MYH10: variants seen among roughly 807,000 people sequenced by gnomAD.
The protein encoded by MYH10 is myosin-10.
Under a neutral mutation model 257.8 loss-of-function variants are expected in MYH10, and 55 were observed. The ratio of observed to expected loss-of-function variants is 0.21; its 90% CI spans 0.17 to 0.27. The LOEUF (loss-of-function observed/expected upper bound fraction) is 0.27. Among genes scored for constraint, MYH10 ranks in the 10% least tolerant of loss-of-function variants. The probability of loss-of-function intolerance (pLI) is 1.00; values close to 1 mark genes in which losing one functional copy is unlikely to be tolerated. For missense variants in MYH10, 1,631 were observed against 2,500.6 expected (o/e 0.65, Z 7.42); for synonymous variants, 854 against 921.7 (o/e 0.93, Z 1.33).
Position 8,504,065 on chromosome 17 carries a change from G to A in MYH10, c.3599+629C>T, listed in dbSNP as rs1597670362. On this transcript the variant is annotated intron_variant, in intron 28 of 42. Transcript: ENST00000360416. This position sits in a 1 kb window ranked among gnomAD's most constrained non-coding sequence, Gnocchi z 5.6. Reference sequence around the variant, plus strand: ...CGGCTCACTGCTAAGGCTCTCCTGCGACTCGTGGGCTGCCACACTGCAGCT... The same window carrying A: ...CGGCTCACTGCTAAGGCTCTCCTGCAACTCGTGGGCTGCCACACTGCAGCT... 6.6e-6 allele frequency among the ~76,000 whole-genome samples: 1 copy of A among 152,172 alleles called. No homozygotes were observed. The highest frequency in any genetic ancestry group is 2.4e-5 in the African/African-American group (1 of 41,436).
At chr17:8,488,608 C>G (rs758567601) in intron 35 of MYH10, among the ~76,000 whole-genome samples, 1 of 152,238 alleles carries the variant, frequency 6.6e-6, no homozygotes, top group African/African-American at 2.4e-5. Flanking sequence ...CTTCCGCTTC[C>G]TGCAAAGAGG....
chr17:8,487,425 G>A lies in MYH10; in HGVS notation c.5046+8C>T. On this transcript the variant is annotated splice_region_variant and intron_variant, in intron 36 of 42. Coordinates refer to ENST00000360416, the MANE Select transcript of MYH10 (RefSeq NM_001256012.3). ...CCATCCAGAGACTCCATGGGTGAAGGCACATACCTGGAGCTTGCGGAGCTG... is the reference window on the plus strand; with the variant it reads ...CCATCCAGAGACTCCATGGGTGAAGACACATACCTGGAGCTTGCGGAGCTG... The A allele has an allele frequency of 6.2e-7, 1 of 1,613,954 alleles. No individual in the cohort carries two copies. The highest frequency in any genetic ancestry group is 8.5e-7 in the Non-Finnish European group (1 of 1,180,018).
At chr17:8,485,722 T>C (rs1337425105) in intron 36 of MYH10, among the ~76,000 whole-genome samples, 1 of 152,328 alleles carries the variant, frequency 6.6e-6, no homozygotes, top group Non-Finnish European at 1.5e-5. Context: ...CCCTCATACA[T>C]AGCTGGTAGG....
chr17:8,585,865 C>T (rs1486332806), intron 4 of MYH10, among the ~76,000 whole-genome samples: 3 of 152,138 alleles, frequency 2.0e-5, no homozygotes, highest in African/African-American at 7.2e-5. Context: ...TACTGGGCTT[C>T]AGTTAACACT....
chr17:8,628,669 A>G (rs747934325), intron 1 of MYH10, among the ~76,000 whole-genome samples: 5 of 152,214 alleles, frequency 3.3e-5, no homozygotes, highest in Non-Finnish European at 5.9e-5. Context: ...AAAGGCCACT[A>G]TTGCTACTTA....
At chr17:8,609,047 G>C (rs1422328387) in intron 2 of MYH10, among the ~76,000 whole-genome samples, 4 of 152,126 alleles carry the variant, frequency 2.6e-5, no homozygotes, top group Non-Finnish European at 5.9e-5. Flanking sequence ...CCCTGACCTC[G>C]TGATCTGCCC....
intron 2 of MYH10, among the ~76,000 whole-genome samples, chr17:8,613,829 A>G (rs1264515659): frequency 6.6e-6 from 1 of 152,222 alleles, no homozygotes; most frequent in Non-Finnish European, 1.5e-5. Flanking sequence ...GACATATTTT[A>G]AAGGCACAGG....
chr17:8,548,293 GTCAGTATTCA>G lies in MYH10; in HGVS notation c.1159+10_1159+19del. 6.4e-7 allele frequency: 1 copy of G among 1,560,742 alleles called. No homozygotes were observed. Among genetic ancestry groups the G allele is most frequent in the Non-Finnish European group, 8.8e-7 (1 of 1,136,462 alleles). On this transcript the variant is annotated intron_variant, in intron 11 of 42. Transcript: ENST00000360416. ...AACAAGCCATCGAAACAGAAATAAA[GTCAGTATTCA>G]TCAGTTTACCTGTATTTTCTGGCAT...
At chr17:8,496,753 C>T (rs1481547604) in intron 30 of MYH10, among the ~76,000 whole-genome samples, 3 of 152,354 alleles carry the variant, frequency 2.0e-5, no homozygotes, top group African/African-American at 4.8e-5. Context: ...TTCGAAAGGC[C>T]TGCTTGCGAT....
intron 7 of MYH10, among the ~76,000 whole-genome samples, chr17:8,565,904 TA>T (rs1476293460): frequency 1.3e-5 from 2 of 152,260 alleles, no homozygotes; most frequent in Non-Finnish European, 2.9e-5. Context: ...ACTCATGTAT[TA>T]CTTTGCAAAT....
chr17:8,552,074 C>T lies in MYH10; in HGVS notation c.891G>A (p.Leu297=). ...DERTFHIFYQ[L]LSGAGEHLKS... Reference sequence around the variant, plus strand: ...TTAGGTGTTCTCCTGCTCCAGATAACAACTGGTAAAAGATATGAAAAGTAC... The same window carrying T: ...TTAGGTGTTCTCCTGCTCCAGATAATAACTGGTAAAAGATATGAAAAGTAC... Residue 297 remains leucine (L), a synonymous_variant, in exon 9 of 43, where the codon TTG becomes TTA. Transcript: ENST00000360416. This position sits in a 1 kb window ranked among gnomAD's most constrained non-coding sequence, Gnocchi z 4.8. The T allele has an allele frequency of 7.1e-6, 11 of 1,556,610 alleles. No individual in the cohort carries two copies. The highest frequency in any genetic ancestry group is 9.6e-6 in the Non-Finnish European group (11 of 1,146,522).
chr17:8,617,708 G>GA (rs1388240714), intron 2 of MYH10, among the ~76,000 whole-genome samples: 6 of 151,870 alleles, frequency 4.0e-5, no homozygotes, highest in Admixed American at 3.9e-4. Flanking sequence ...TACAAACAGA[G>GA]AAAAAAACAA....
At position 8,490,178 on chromosome 17, in the gene MYH10, T is replaced by G; in HGVS notation, c.4884+162A>C. 2 of 626,254 alleles carry G rather than the reference T, an allele frequency of 3.2e-6. No homozygotes were observed. The highest frequency in any genetic ancestry group is 5.5e-6 in the Non-Finnish European group (2 of 364,752). The allele number at this position is 626,254 out of a possible 1,614,324, so 38.8% of individuals were successfully genotyped here. On this transcript the variant is annotated intron_variant, in intron 35 of 42. Coordinates refer to ENST00000360416, the MANE Select transcript of MYH10 (RefSeq NM_001256012.3). This position sits in a 1 kb window ranked among gnomAD's most constrained non-coding sequence, Gnocchi z 4.1. ...GACCTAAACTAATTACAATAAAATT[T>G]AAATAATAAAATTCTCAAATGACCA...
intron 2 of MYH10, among the ~76,000 whole-genome samples, chr17:8,622,620 T>G (rs2085509771): frequency 6.6e-6 from 1 of 152,188 alleles, no homozygotes; most frequent in Non-Finnish European, 1.5e-5. Flanking sequence ...TGTTACATGC[T>G]CTCTCCCACC....
chr17:8,549,321 C>T (rs2082545821), intron 9 of MYH10, among the ~76,000 whole-genome samples: 1 of 152,170 alleles, frequency 6.6e-6, no homozygotes. Flanking sequence ...AGCCAGCTTG[C>T]TTGGTGGTTA....
intron 37 of MYH10, 65 bp from the exon 38 acceptor site, chr17:8,481,475 G>T: frequency 6.9e-7 from 1 of 1,443,698 alleles, no homozygotes; most frequent in Non-Finnish European, 9.7e-7. Context: ...GAATCTGACA[G>T]TGCCTGGAGC....
In MYH10 at chr17:8,490,653, A is replaced by C. The variant is rs1915621820; in HGVS notation, c.4672-101T>G. 2 of 1,225,944 alleles carry C rather than the reference A, an allele frequency of 1.6e-6. No individual in the cohort carries two copies. Among genetic ancestry groups the C allele is most frequent in the African/African-American group, 1.5e-5 (1 of 67,270 alleles). The allele number at this position is 1,225,944 out of a possible 1,614,324, so 75.9% of individuals were successfully genotyped here. A position where few individuals can be genotyped will look rare whatever the true frequency, so the allele number is the denominator to read the frequency against. Reference sequence around the variant, plus strand: ...CAGGCCCACTCGTGGCATGCTGGCCACTTTGGTCCCCCTGGGCCGGCCCCC... The same window carrying C: ...CAGGCCCACTCGTGGCATGCTGGCCCCTTTGGTCCCCCTGGGCCGGCCCCC... On this transcript the variant is annotated intron_variant, in intron 34 of 42. Coordinates refer to ENST00000360416, the MANE Select transcript of MYH10 (RefSeq NM_001256012.3). This position sits in a 1 kb window ranked among gnomAD's most constrained non-coding sequence, Gnocchi z 4.1.
At chr17:8,479,914 G>A (rs1913391648) in intron 40 of MYH10, among the ~76,000 whole-genome samples, 196 bp downstream of exon 40, 1 of 152,188 alleles carries the variant, frequency 6.6e-6, no homozygotes, top group Non-Finnish European at 1.5e-5. Flanking sequence ...GACTGTTCAC[G>A]GATGCCGTCT....
At chr17:8,510,846 C>T (rs950086818) in intron 24 of MYH10, among the ~76,000 whole-genome samples, 8 of 151,912 alleles carry the variant, frequency 5.3e-5, no homozygotes, top group African/African-American at 1.5e-4. Context: ...TCAAACTGGG[C>T]GGGAGCATAG....
Sources: allele counts gnomAD v4.1 joint callset (sites outside exome capture counted in the v4.1 genomes callset), GRCh38; gene constraint gnomAD v4.1.1; non-coding constraint Gnocchi (gnomAD v3.1); transcripts MANE v1.5; gene names NCBI Gene and HGNC (gene_info 2026-07-23, HGNC 2026-07-21).